FREM1: variants seen among roughly 807,000 people sequenced by gnomAD.
FREM1 encodes FRAS1 related extracellular matrix 1.
FREM1 carries 220 observed loss-of-function variants against 210.1 expected under a neutral mutation model. The observed-to-expected ratio is 1.05, with a 90% CI of 0.94 to 1.17. The LOEUF is 1.17. Among genes scored for constraint, FREM1 ranks in the 50% most tolerant of loss-of-function variants. The pLI, the probability that FREM1 is intolerant of heterozygous loss-of-function variation, is 0.00. For missense variants in FREM1, 3,454 were observed against 2,675.5 expected (o/e 1.29, Z -6.42); for synonymous variants, 1,189 against 980.2 (o/e 1.21, Z -3.98).
intron 1 of FREM1, among the ~76,000 whole-genome samples, chr9:14,886,926 A>G (rs1835925138): frequency 6.7e-6 from 1 of 149,880 alleles, no homozygotes; most frequent in Non-Finnish European, 1.5e-5. Context: ...AAAAGAAGCT[A>G]TCAATTGACT....
intron 24 of FREM1, among the ~76,000 whole-genome samples, chr9:14,781,692 T>G (rs1312135823): frequency 6.6e-6 from 1 of 152,154 alleles, no homozygotes; most frequent in Non-Finnish European, 1.5e-5. Context: ...TGGGAGGCCC[T>G]AAAAAGGCTT....
intron 1 of FREM1, among the ~76,000 whole-genome samples, chr9:14,883,179 C>T (rs1484071693): frequency 6.6e-6 from 1 of 151,966 alleles, no homozygotes; most frequent in Non-Finnish European, 1.5e-5. Context: ...CTAATTTTTT[C>T]TTTCTCATAG....
intron 1 of FREM1, among the ~76,000 whole-genome samples, chr9:14,906,027 C>G (rs1393508062): frequency 1.3e-5 from 2 of 152,164 alleles, no homozygotes; most frequent in Non-Finnish European, 2.9e-5. Flanking sequence ...TTTCCTGTTT[C>G]TCTTTTCTTT....
At chr9:14,863,615 G>A (rs1368101582) in intron 3 of FREM1, among the ~76,000 whole-genome samples, 194 bp downstream of exon 3, 1 of 152,156 alleles carries the variant, frequency 6.6e-6, no homozygotes, top group African/African-American at 2.4e-5. Flanking sequence ...TAGGGAAGAT[G>A]ACACAAGTGG....
Position 14,851,434 on chromosome 9 carries a change from G to A in FREM1, c.1002C>T (p.Phe334=), listed in dbSNP as rs1477819760. Residue 334 remains phenylalanine, a synonymous_variant, in exon 6 of 37, where the codon TTC becomes TTT. Coordinates refer to ENST00000380880, the MANE Select transcript of FREM1 (RefSeq NM_001379081.2). ...CCTGGAGCGGGGCTTTAGTAATGTT[G>A]AACACCAGCAAGGGTTTAGGGGTCT... ...EDETPKPLLV[F]NITKAPLQGY... 1 of 1,613,928 alleles carries A rather than the reference G, an allele frequency of 6.2e-7. No homozygotes were observed. Among genetic ancestry groups the A allele is most frequent in the Admixed American group, 1.7e-5 (1 of 60,016 alleles).
chr9:14,797,472 A>C (rs1563951087), intron 21 of FREM1, 26 bp downstream of exon 21: 1 of 1,580,636 alleles, frequency 6.3e-7, no homozygotes, highest in African/African-American at 1.4e-5. Flanking sequence ...TAGAAATCTG[A>C]AAGGGACTCT....
intron 8 of FREM1, 44 bp from the exon 9 acceptor site, chr9:14,842,704 C>T: frequency 3.6e-6 from 5 of 1,389,676 alleles, no homozygotes; most frequent in Non-Finnish European, 5.1e-6. Flanking sequence ...CAAGGGAGTG[C>T]AGAAGCAGCA....
At chr9:14,790,339 G>A (rs928451221) in intron 22 of FREM1, among the ~76,000 whole-genome samples, 4 of 152,108 alleles carry the variant, frequency 2.6e-5, no homozygotes, top group African/African-American at 9.7e-5. Flanking sequence ...TCCATCTGAT[G>A]TTTGTAGACT....
intron 1 of FREM1, among the ~76,000 whole-genome samples, chr9:14,870,480 G>A (rs1032473054): frequency 6.6e-6 from 1 of 151,788 alleles, no homozygotes; most frequent in Non-Finnish European, 1.5e-5. Context: ...TTTTGTTGCT[G>A]TTGTCTTTGT....
At chr9:14,784,036 T>G (rs551326361) in intron 24 of FREM1, among the ~76,000 whole-genome samples, 2 of 152,340 alleles carry the variant, frequency 1.3e-5, no homozygotes, top group South Asian at 4.1e-4. Flanking sequence ...AGAACTTGCA[T>G]AAAGATCTGT....
intron 27 of FREM1, among the ~76,000 whole-genome samples, chr9:14,769,000 C>A (rs1847018295): frequency 6.6e-6 from 1 of 152,134 alleles, no homozygotes; most frequent in Admixed American, 6.5e-5. Context: ...ACCAGAATAA[C>A]TGGACTCTGA....
At chr9:14,800,158 A>G (rs895783773) in intron 20 of FREM1, among the ~76,000 whole-genome samples, 1 of 152,136 alleles carries the variant, frequency 6.6e-6, no homozygotes, top group African/African-American at 2.4e-5. Context: ...ACAAATAACT[A>G]AAAGAAGTTG....
At chr9:14,788,511 T>C (rs1448834671) in intron 23 of FREM1, among the ~76,000 whole-genome samples, 1 of 152,232 alleles carries the variant, frequency 6.6e-6, no homozygotes, top group Non-Finnish European at 1.5e-5. Context: ...TTTTCATTTA[T>C]TATTTTATTG....
chr9:14,861,131 A>ATG (rs1491137439), intron 3 of FREM1, among the ~76,000 whole-genome samples: 4 of 49,652 alleles, frequency 8.1e-5, no homozygotes, highest in African/African-American at 2.2e-4. Flanking sequence ...ATATATACAC[A>ATG]TATATACATA....
Position 14,823,177 on chromosome 9 carries a change from C to T in FREM1, c.2320G>A (p.Asp774Asn). Residue 774 changes from aspartate to asparagine, a missense_variant, in exon 13 of 37, where the codon GAC (aspartate) becomes AAC (asparagine). Transcript: ENST00000380880. The part of the protein sequence containing the change: ...ICFNITILPV[D>N]NQVPEAFTNP... ...GTACATACCTCAGGAACTTGATTGT[C>T]CACTGGGAGGATTGTAATGTTAAAG... is the stretch of plus-strand genomic sequence containing the variant. 3 of 1,613,712 alleles carry T rather than the reference C, an allele frequency of 1.9e-6. No individual in the cohort carries two copies. The South Asian group carries it at 3.3e-5, about 18-fold the overall frequency.
intron 7 of FREM1, among the ~76,000 whole-genome samples, chr9:14,847,022 GT>G (rs1826763303): frequency 6.6e-6 from 1 of 152,210 alleles, no homozygotes; most frequent in Admixed American, 6.5e-5. Flanking sequence ...CAGGAAGTGT[GT>G]GCAATGGCTG....
At chr9:14,904,885 C>A (rs1433739189) in intron 1 of FREM1, among the ~76,000 whole-genome samples, 3 of 152,120 alleles carry the variant, frequency 2.0e-5, no homozygotes, top group African/African-American at 7.2e-5. Context: ...CCCCAGCTTC[C>A]AAGCCTTTGC....
chr9:14,775,861 G>A lies in FREM1; in HGVS notation c.4785C>T (p.Ala1595=), dbSNP rs10733289. Residue 1595 remains alanine, a synonymous_variant, in exon 25 of 37, where the codon GCC becomes GCT. Coordinates refer to ENST00000380880, the MANE Select transcript of FREM1 (RefSeq NM_001379081.2). ...DSQTDCFTFM[A]TDGTNQGFIV... ...TAAAGCCTTGGTTTGTCCCATCTGT[G>A]GCCATGAAAGTAAAGCAGTCAGTCT... 885,166 of 1,612,504 alleles carry A rather than the reference G, an allele frequency of 0.55. 249,104 individuals are homozygous for A. Among genetic ancestry groups the A allele is most frequent in the Non-Finnish European group, 0.58 (688,940 of 1,178,712 alleles).
intron 33 of FREM1, 25 bp downstream of exon 33, chr9:14,747,239 T>C: frequency 6.2e-7 from 1 of 1,605,728 alleles, no homozygotes; most frequent in Non-Finnish European, 8.5e-7. Flanking sequence ...ATAAGGTGAG[T>C]AAGAAGGAAC....
Sources: gnomAD v4.1 joint callset for allele counts (sites outside exome capture counted in the v4.1 genomes callset) on GRCh38, gnomAD v4.1.1 for gene constraint, MANE v1.5 for transcripts, NCBI Gene and HGNC (gene_info 2026-07-23, HGNC 2026-07-21) for gene names.